The following NUP205 variants were observed in gnomAD, a reference collection of about 807,000 sequenced individuals.
The protein encoded by NUP205 is nucleoporin 205, also known as nuclear pore complex protein Nup205.
In NUP205, 76 loss-of-function variants were observed where a neutral mutation model predicts 253.8. The ratio of observed to expected loss-of-function variants is 0.30; its 90% CI spans 0.25 to 0.36. NUP205 has a LOEUF of 0.36. Among genes scored for constraint, NUP205 ranks in the 10% least tolerant of loss-of-function variants. The pLI, the probability that NUP205 is intolerant of heterozygous loss-of-function variation, is 1.00. For synonymous variants in NUP205, 832 were observed against 850.1 expected (o/e 0.98, Z 0.37); for missense variants, 2,162 against 2,425.5 (o/e 0.89, Z 2.28).
Position 135,648,598 on chromosome 7 carries a change from G to T in NUP205, c.*42G>T. 7.2e-7 allele frequency: 1 copy of T among 1,389,218 alleles called. No homozygotes were observed. The allele number at this position is 1,389,218 out of a possible 1,614,324, so 86.1% of individuals were successfully genotyped here. Reference sequence around the variant, plus strand: ...TCTTCTATGAGAGAGATGAATTGGGGAGAATTGTCTCCATTTTATAGATTA... The same window carrying T: ...TCTTCTATGAGAGAGATGAATTGGGTAGAATTGTCTCCATTTTATAGATTA... On this transcript the variant is annotated 3_prime_UTR_variant, in exon 43 of 43. Transcript: ENST00000285968.
intron 31 of NUP205, among the ~76,000 whole-genome samples, chr7:135,624,121 A>G (rs575132128): frequency 1.1e-3 from 167 of 152,262 alleles, no homozygotes; most frequent in African/African-American, 3.5e-3. Context: ...AAATATTTGT[A>G]TGCATAGAAA....
chr7:135,586,545 A>G (rs1003704407), intron 8 of NUP205, among the ~76,000 whole-genome samples: 1 of 152,130 alleles, frequency 6.6e-6, no homozygotes, highest in African/African-American at 2.4e-5. Context: ...TTTTTCTAAT[A>G]TGAGCATTTA....
chr7:135,627,926 T>C, intron 33 of NUP205, 47 bp from the exon 34 acceptor site: 2 of 1,599,058 alleles, frequency 1.3e-6, no homozygotes, highest in East Asian at 2.2e-5. Flanking sequence ...TTGCCGAGAG[T>C]ATACCTTAAT....
rs34071969 is a variant in NUP205, at chr7:135,639,690, C to CAAA, written c.5392+1022_5392+1024dup. On this transcript the variant is annotated intron_variant, in intron 38 of 42. Coordinates refer to ENST00000285968, the MANE Select transcript of NUP205 (RefSeq NM_015135.3). ...TGGGCTACAGAGTGAGACTTTGTCT[C>CAAA]AAAAAAAAAAAAAAAAATTAGTTTA... Among the ~76,000 whole-genome samples, 10 of 106,666 alleles carry CAAA rather than the reference C, an allele frequency of 9.4e-5. No homozygotes were observed. The East Asian group carries it at 1.3e-3, about 14-fold the overall frequency. 70.0% of individuals were successfully genotyped at this position (106,666 alleles called of 152,430 possible). A position where few individuals can be genotyped will look rare whatever the true frequency, so the allele number is the denominator to read the frequency against.
At chr7:135,638,738 A>G (rs1794864616) in intron 38 of NUP205, 55 bp downstream of exon 38, 2 of 1,592,580 alleles carry the variant, frequency 1.3e-6, no homozygotes, top group Non-Finnish European at 8.6e-7. Context: ...TGGTTATGAC[A>G]TAGCTCTCCA....
chr7:135,597,643 C>G (rs1298066268), intron 14 of NUP205: 6 of 445,422 alleles, frequency 1.3e-5, no homozygotes, highest in Non-Finnish European at 2.4e-5. Flanking sequence ...GGCAACCATC[C>G]AAATGGAAAA....
Position 135,637,999 on chromosome 7 carries a change from C to T in NUP205, c.5205C>T (p.Asp1735=), listed in dbSNP as rs777302415. 1.5e-5 allele frequency: 24 copies of T among 1,613,712 alleles called. No individual in the cohort carries two copies. Among genetic ancestry groups the T allele is most frequent in the East Asian group, 4.5e-5 (2 of 44,880 alleles). The change falls in exon 37 of 43, where the codon GAC becomes GAT. Residue 1735 remains aspartate, a synonymous_variant. Coordinates refer to ENST00000285968, the MANE Select transcript of NUP205 (RefSeq NM_015135.3). ...SDRLRQFKFQ[D]DNVEGDKVSK... is the part of the protein sequence containing the mutation. ...GACTGCGTCAGTTTAAATTTCAAGA[C>T]GATAATGTGGAGGGAGATAAAGTAA...
In NUP205 at chr7:135,593,144, A is replaced by G; in HGVS notation, c.1782A>G (p.Gln594=). 2 of 1,614,126 alleles carry G rather than the reference A, an allele frequency of 1.2e-6. No individual in the cohort carries two copies. The highest frequency in any genetic ancestry group is 1.7e-6 in the Non-Finnish European group (2 of 1,179,996). ...LPSRGITQKE[Q]DGLIAFLQLT... is the part of the protein sequence containing the mutation. ...CCCGTGGCATCACCCAGAAGGAGCA[A>G]GATGGATTGATTGCTTTTTTGCAGC... The change falls in exon 12 of 43, where the codon CAA becomes CAG. Residue 594 remains glutamine, a synonymous_variant. Coordinates refer to ENST00000285968, the MANE Select transcript of NUP205 (RefSeq NM_015135.3).
intron 15 of NUP205, chr7:135,598,961 C>A (rs988860844): frequency 6.6e-6 from 1 of 152,062 alleles, no homozygotes; most frequent in African/African-American, 2.4e-5. Flanking sequence ...ATTAACCTTA[C>A]AGAATACCCT....
At chr7:135,596,977 GA>G in intron 13 of NUP205, among the ~76,000 whole-genome samples, 2 of 149,078 alleles carry the variant, frequency 1.3e-5, no homozygotes. Context: ...AAAAAAAATT[GA>G]AAAAAAGAAG....
intron 33 of NUP205, among the ~76,000 whole-genome samples, chr7:135,627,307 C>T (rs1794612518): frequency 6.6e-6 from 1 of 152,188 alleles, no homozygotes; most frequent in Non-Finnish European, 1.5e-5. Flanking sequence ...CTCATTTTGA[C>T]TCTTAAATCT....
At chr7:135,580,983 T>C (rs1225511985) in intron 7 of NUP205, among the ~76,000 whole-genome samples, 1 of 152,146 alleles carries the variant, frequency 6.6e-6, no homozygotes, top group Non-Finnish European at 1.5e-5. Context: ...ACTTAATCTC[T>C]TTGATTTTAT....
At chr7:135,596,440 C>G (rs1793836254) in intron 13 of NUP205, among the ~76,000 whole-genome samples, 1 of 152,132 alleles carries the variant, frequency 6.6e-6, no homozygotes, top group Admixed American at 6.5e-5. Flanking sequence ...TTCTTTACAC[C>G]TGAAATCAAA....
chr7:135,606,824 C>T lies in NUP205; in HGVS notation c.2979C>T (p.Thr993=), dbSNP rs765921159. ...TRIHILNLLI[T]SLECNPPNLA... The stretch of plus-strand genomic sequence containing the variant: ...TCCACATCTTGAATCTTCTCATTAC[C>T]TCTCTGGAATGCAATCCACCCAATC... The change falls in exon 21 of 43, where the codon ACC becomes ACT. Residue 993 remains threonine (T), a synonymous_variant. Coordinates refer to ENST00000285968, the MANE Select transcript of NUP205 (RefSeq NM_015135.3). The T allele has an allele frequency of 7.4e-6, 12 of 1,613,198 alleles. No homozygotes were observed. The African/African-American group carries it at 1.6e-4, about 22-fold the overall frequency.
Position 135,619,857 on chromosome 7 carries a change from G to C in NUP205, c.4299G>C (p.Gln1433His). The C allele has an allele frequency of 6.2e-7, 1 of 1,613,202 alleles. No individual in the cohort carries two copies. The highest frequency in any genetic ancestry group is 8.5e-7 in the Non-Finnish European group (1 of 1,179,430). The change falls in exon 30 of 43, where the codon CAG (glutamine) becomes CAC (histidine). Residue 1433 changes from glutamine (Q) to histidine (H), a missense_variant. This residue lies in a region of NUP205 where 1,144 missense variants were observed against 1,280.9 expected (regional missense o/e 0.89). Coordinates refer to ENST00000285968, the MANE Select transcript of NUP205 (RefSeq NM_015135.3). ...GSLLYYLQIAQRPDEPDTLEA... is the reference protein window; with the variant it reads ...GSLLYYLQIAHRPDEPDTLEA... The stretch of plus-strand genomic sequence containing the variant: ...TGCTTTATTACTTACAGATTGCCCA[G>C]AGACCTGATGAACCAGACACCTTAG...
intron 35 of NUP205, among the ~76,000 whole-genome samples, chr7:135,631,996 C>T (rs546604640): frequency 2.6e-5 from 4 of 152,126 alleles, no homozygotes; most frequent in Non-Finnish European, 5.9e-5. Flanking sequence ...CTGCCCGCCT[C>T]GGCCTCCCAA....
intron 1 of NUP205, among the ~76,000 whole-genome samples, chr7:135,570,339 C>G: frequency 6.6e-6 from 1 of 151,790 alleles, no homozygotes; most frequent in Admixed American, 6.6e-5. Context: ...CCCAGCCTCC[C>G]AAGTAGCTGG....
intron 7 of NUP205, among the ~76,000 whole-genome samples, chr7:135,581,678 C>T (rs999556327): frequency 1.3e-5 from 2 of 151,992 alleles, no homozygotes; most frequent in African/African-American, 2.4e-5. Context: ...GTGGTAAAAG[C>T]CCATCTCCAC....
intron 1 of NUP205, among the ~76,000 whole-genome samples, chr7:135,563,093 A>G (rs917920288): frequency 2.6e-5 from 4 of 152,184 alleles, no homozygotes; most frequent in African/African-American, 9.6e-5. Context: ...TCCTCTGGCT[A>G]GGTCAGAGTC....
Sources: allele counts gnomAD v4.1 joint callset (sites outside exome capture counted in the v4.1 genomes callset), GRCh38; gene constraint gnomAD v4.1.1; regional missense constraint gnomAD v4.1.1; transcripts MANE v1.5; gene names NCBI Gene and HGNC (gene_info 2026-07-23, HGNC 2026-07-21).